Variants in CIB2 observed in about 807,000 individuals in gnomAD.
The protein encoded by CIB2 is calcium and integrin binding family member 2.
In CIB2, 19 loss-of-function variants were observed where a neutral mutation model predicts 23.1. The observed-to-expected ratio is 0.82, with a 90% CI of 0.57 to 1.21. The LOEUF is 1.21. CIB2 is among the 50% of genes most tolerant of loss of function. CIB2 has a pLI of 0.00. For synonymous variants in CIB2, 94 were observed against 91.7 expected (o/e 1.03, Z -0.14); for missense variants, 220 against 241.5 (o/e 0.91, Z 0.59).
At chr15:78,124,834 C>T (rs1218420234) in intron 1 of CIB2, among the ~76,000 whole-genome samples, 1 of 152,156 alleles carries the variant, frequency 6.6e-6, no homozygotes, top group South Asian at 2.1e-4. Flanking sequence ...CTGAATGAGA[C>T]CTGAAGCCGC....
At chr15:78,129,466 C>CA (rs2074425188) in intron 1 of CIB2, among the ~76,000 whole-genome samples, 1 of 152,206 alleles carries the variant, frequency 6.6e-6, no homozygotes, top group Admixed American at 6.5e-5. Context: ...TGCCCACTCC[C>CA]AAGCCTTTAT....
intron 1 of CIB2, among the ~76,000 whole-genome samples, chr15:78,130,348 C>A (rs1395547175): frequency 6.6e-6 from 1 of 152,092 alleles, no homozygotes; most frequent in Non-Finnish European, 1.5e-5. Flanking sequence ...GGTTTTAAGG[C>A]GGCTGCCATG....
chr15:78,105,016 G>A lies in CIB2; in HGVS notation c.*295C>T, dbSNP rs34665755. 8 of 443,836 alleles carry A rather than the reference G, an allele frequency of 1.8e-5. No individual in the cohort carries two copies. Among genetic ancestry groups the A allele is most frequent in the Non-Finnish European group, 2.9e-5 (7 of 240,060 alleles). The allele number at this position is 443,836 out of a possible 1,614,324, so 27.5% of individuals were successfully genotyped here. On this transcript the variant is annotated 3_prime_UTR_variant, in exon 6 of 6. Coordinates refer to ENST00000258930, the MANE Select transcript of CIB2 (RefSeq NM_006383.4). ...TTATCTGCTTTTCCCTCTTTGGGGGGGTGGGGAGCATTTCTGGAGTAGGAA... is the reference window on the plus strand; with the variant it reads ...TTATCTGCTTTTCCCTCTTTGGGGGAGTGGGGAGCATTTCTGGAGTAGGAA...
At chr15:78,113,467 T>C (rs1434545619) in intron 2 of CIB2, among the ~76,000 whole-genome samples, 1 of 152,174 alleles carries the variant, frequency 6.6e-6, no homozygotes, top group East Asian at 1.9e-4. Flanking sequence ...TTTTTTTTTT[T>C]TACACTGTCC....
In CIB2 at chr15:78,123,797, C is replaced by G. The variant is rs2074349670; in HGVS notation, c.52-58G>C. 8 of 1,599,720 alleles carry G rather than the reference C, an allele frequency of 5.0e-6. No homozygotes were observed. In the Admixed American group the frequency reaches 1.3e-4, roughly 27 times the overall value. On this transcript the variant is annotated intron_variant, in intron 1 of 5. Transcript: ENST00000258930. Reference sequence around the variant, plus strand: ...TGTGCGGCTCCCAGACTTTCTTCCTCAGAGGCCTCGATGCCACAGGGCTCA... The same window carrying G: ...TGTGCGGCTCCCAGACTTTCTTCCTGAGAGGCCTCGATGCCACAGGGCTCA...
At chr15:78,108,004 T>C (rs1303906143) in intron 4 of CIB2, among the ~76,000 whole-genome samples, 1 of 151,842 alleles carries the variant, frequency 6.6e-6, no homozygotes, top group Admixed American at 6.6e-5. Flanking sequence ...AAACCCCATC[T>C]CTACTAAAAT....
intron 2 of CIB2, among the ~76,000 whole-genome samples, chr15:78,120,233 A>G (rs542679353): frequency 2.0e-5 from 3 of 152,280 alleles, no homozygotes; most frequent in African/African-American, 4.8e-5. Context: ...AACACATACA[A>G]AAGAAAAACA....
At chr15:78,113,614 TCCG>T (rs2074194084) in intron 2 of CIB2, among the ~76,000 whole-genome samples, 1 of 151,606 alleles carries the variant, frequency 6.6e-6, no homozygotes, top group Non-Finnish European at 1.5e-5. Flanking sequence ...CACTGCAAGC[TCCG>T]CCTCCCGGGT....
intron 4 of CIB2, among the ~76,000 whole-genome samples, chr15:78,107,295 G>A (rs116850964): frequency 0.021 from 3,195 of 152,190 alleles, 47 homozygotes; most frequent in Non-Finnish European, 0.032. Flanking sequence ...GTCACATCCC[G>A]GTCATTGTTG....
At chr15:78,125,966 A>C (rs2074375292) in intron 1 of CIB2, among the ~76,000 whole-genome samples, 1 of 152,148 alleles carries the variant, frequency 6.6e-6, no homozygotes, top group Non-Finnish European at 1.5e-5. Context: ...CTGGGGCTCT[A>C]AATATCCAAT....
At chr15:78,120,661 C>T (rs1206358216) in intron 2 of CIB2, 3 of 985,138 alleles carry the variant, frequency 3.0e-6, no homozygotes, top group Non-Finnish European at 3.6e-6. Context: ...ATCGGATCTA[C>T]CTGGGTGGGG....
At chr15:78,127,726 A>G (rs1335275473) in intron 1 of CIB2, among the ~76,000 whole-genome samples, 3 of 152,192 alleles carry the variant, frequency 2.0e-5, no homozygotes, top group Non-Finnish European at 4.4e-5. Context: ...GCTCTAATGG[A>G]AATGGCTCTC....
At chr15:78,118,242 T>C (rs2074267045) in intron 2 of CIB2, among the ~76,000 whole-genome samples, 1 of 152,198 alleles carries the variant, frequency 6.6e-6, no homozygotes, top group Non-Finnish European at 1.5e-5. Flanking sequence ...TGTTAGTGAT[T>C]ATCTTGGGTA....
At chr15:78,106,998 G>A (rs1221694097) in intron 4 of CIB2, among the ~76,000 whole-genome samples, 1 of 152,054 alleles carries the variant, frequency 6.6e-6, no homozygotes, top group Non-Finnish European at 1.5e-5. Flanking sequence ...CGAGTCCGAG[G>A]TGGGTGGATC....
chr15:78,108,260 T>C (rs1442320470), intron 4 of CIB2, among the ~76,000 whole-genome samples: 1 of 150,574 alleles, frequency 6.6e-6, no homozygotes, highest in African/African-American at 2.4e-5. Flanking sequence ...CAGCCCCTGA[T>C]AGGCCCTGCT....
At chr15:78,114,334 A>G (rs1210316804) in intron 2 of CIB2, among the ~76,000 whole-genome samples, 1 of 151,828 alleles carries the variant, frequency 6.6e-6, no homozygotes, top group Non-Finnish European at 1.5e-5. Context: ...GAAAAATCCA[A>G]GGAGAATTTG....
rs549441827 is a variant in CIB2 at position 78,109,112 on chromosome 15, A to G, written c.346+123T>C. ...ACCCCACTGGACAGGCACTCTTCAG[A>G]GGACAGATCAGCTTCACTGTTCTTG... On this transcript the variant is annotated intron_variant, in intron 4 of 5. Transcript: ENST00000258930. The G allele has an allele frequency of 2.6e-6, 3 of 1,136,468 alleles. No individual in the cohort carries two copies. The South Asian group carries it at 4.6e-5, about 18-fold the overall frequency. 70.4% of individuals were successfully genotyped at this position (1,136,468 alleles called of 1,614,324 possible).
At chr15:78,106,831 A>G (rs559310443) in intron 4 of CIB2, among the ~76,000 whole-genome samples, 5 of 152,154 alleles carry the variant, frequency 3.3e-5, no homozygotes, top group Non-Finnish European at 7.3e-5. Flanking sequence ...CATTAATGGT[A>G]GTGACAAAGA....
intron 2 of CIB2, among the ~76,000 whole-genome samples, chr15:78,121,935 G>C (rs12901761): frequency 6.6e-6 from 1 of 152,192 alleles, no homozygotes; most frequent in Non-Finnish European, 1.5e-5. Flanking sequence ...GGGAGGATGG[G>C]GGTGGGAGTG....
Sources: allele counts gnomAD v4.1 joint callset (sites outside exome capture counted in the v4.1 genomes callset), GRCh38; gene constraint gnomAD v4.1.1; transcripts MANE v1.5; gene names NCBI Gene and HGNC (gene_info 2026-07-23, HGNC 2026-07-21).